Variants in CAMK1D observed in about 807,000 individuals in gnomAD.
CAMK1D encodes the protein calcium/calmodulin dependent protein kinase ID.
Under a neutral mutation model 47.7 loss-of-function variants are expected in CAMK1D, and 9 were observed. The ratio of observed to expected loss-of-function variants is 0.19; its 90% confidence interval spans 0.11 to 0.33. The LOEUF is 0.33. CAMK1D is among the 10% of genes least tolerant of loss of function. The probability of loss-of-function intolerance (pLI) is 1.00; values close to 1 mark genes in which losing one functional copy is unlikely to be tolerated. For synonymous variants in CAMK1D, 184 were observed against 184.9 expected, an observed-to-expected ratio of 0.99 and a Z score of 0.04; for missense variants, 291 against 488.7, an observed-to-expected ratio of 0.60 and a Z score of 3.81.
intron 1 of CAMK1D, among the ~76,000 whole-genome samples, chr10:12,476,144 T>C (rs1381798372): frequency 6.6e-6 from 1 of 151,794 alleles, no homozygotes; most frequent in Admixed American, 6.6e-5. Context: ...ATACAAAAAT[T>C]AGCTGGGCAT....
chr10:12,613,741 G>C (rs1253715631), intron 2 of CAMK1D, among the ~76,000 whole-genome samples: 1 of 152,196 alleles, frequency 6.6e-6, no homozygotes, highest in African/African-American at 2.4e-5. Flanking sequence ...GCCTCCTAAA[G>C]GTCTGGGATT....
At chr10:12,446,297 T>C (rs1461761439) in intron 1 of CAMK1D, among the ~76,000 whole-genome samples, 1 of 152,208 alleles carries the variant, frequency 6.6e-6, no homozygotes, top group African/African-American at 2.4e-5. Flanking sequence ...CTTGATGATA[T>C]GCTAAACAAG....
In CAMK1D at chr10:12,375,870, C is replaced by T. The variant is rs535296538; in HGVS notation, c.92+25960C>T. ...GGTCCGTATGCCGATTTCTCTAAAA[C>T]CAGAGCATGCAGCCGGGCACGGTGG... On this transcript the variant is annotated intron_variant, in intron 1 of 10. Transcript: ENST00000619168. Among the ~76,000 whole-genome samples the T allele has an allele frequency of 1.4e-4, 21 of 152,066 alleles. No homozygotes were observed. In the South Asian group the frequency reaches 4.2e-3, roughly 30 times the overall value.
chr10:12,362,821 T>C (rs931804756), intron 1 of CAMK1D, among the ~76,000 whole-genome samples: 1 of 151,956 alleles, frequency 6.6e-6, no homozygotes, highest in African/African-American at 2.4e-5. Flanking sequence ...ATTTTTTGTA[T>C]TTTTAGTAGA....
chr10:12,772,721 G>A (rs774216033), intron 5 of CAMK1D, among the ~76,000 whole-genome samples: 4 of 152,202 alleles, frequency 2.6e-5, no homozygotes, highest in Admixed American at 6.5e-5. Flanking sequence ...GGGTAATGGT[G>A]TTGTGAGATA....
At chr10:12,734,709 A>G (rs940587994) in intron 3 of CAMK1D, among the ~76,000 whole-genome samples, 1 of 150,878 alleles carries the variant, frequency 6.6e-6, no homozygotes, top group Non-Finnish European at 1.5e-5. Context: ...TTGGGCACCA[A>G]CCTCTCCCTA....
intron 1 of CAMK1D, among the ~76,000 whole-genome samples, chr10:12,375,709 A>G (rs529745739): frequency 6.6e-6 from 1 of 152,068 alleles, no homozygotes; most frequent in Admixed American, 6.5e-5. Flanking sequence ...TTACTCTATT[A>G]TTTCCTCGTT....
intron 2 of CAMK1D, among the ~76,000 whole-genome samples, chr10:12,581,793 T>C (rs1029153049): frequency 7.2e-5 from 11 of 152,208 alleles, no homozygotes; most frequent in Admixed American, 2.6e-4. Flanking sequence ...TTTTAGTCCT[T>C]TGTAAGATGT....
At chr10:12,817,048 G>A (rs1245040666) in intron 8 of CAMK1D, among the ~76,000 whole-genome samples, 1 of 152,166 alleles carries the variant, frequency 6.6e-6, no homozygotes, top group Non-Finnish European at 1.5e-5. Flanking sequence ...GAGAGAGCTT[G>A]TGCAGGGGAA....
At position 12,759,999 on chromosome 10, in the gene CAMK1D, GTTTC is replaced by G. The variant is rs368729951; in HGVS notation, c.300-941_300-938del. ...CTGTCTCATCTTGTTTTTGAAAAAT[GTTTC>G]TTTCTTTTTTTTCAGTAGTGTTAAT... On this transcript the variant is annotated intron_variant, in intron 3 of 10. Transcript: ENST00000619168. Among the ~76,000 whole-genome samples the G allele has an allele frequency of 3.2e-3, 484 of 152,106 alleles. 3 individuals are homozygous for G. Among genetic ancestry groups the G allele is most frequent in the African/African-American group, 0.011 (439 of 41,504 alleles).
intron 1 of CAMK1D, among the ~76,000 whole-genome samples, chr10:12,475,639 C>A (rs968684175): frequency 6.6e-6 from 1 of 152,150 alleles, no homozygotes; most frequent in Non-Finnish European, 1.5e-5. Context: ...TTTAGGTCTT[C>A]TGTGAGTTCT....
At chr10:12,361,357 G>A (rs1310076754) in intron 1 of CAMK1D, among the ~76,000 whole-genome samples, 1 of 146,740 alleles carries the variant, frequency 6.8e-6, no homozygotes, top group Non-Finnish European at 1.5e-5. Context: ...AGCTACTCTC[G>A]TGCCTCAGCC....
intron 1 of CAMK1D, among the ~76,000 whole-genome samples, chr10:12,388,037 C>A (rs1838585963): frequency 1.3e-5 from 2 of 152,050 alleles, no homozygotes; most frequent in South Asian, 4.1e-4. Flanking sequence ...AGGCATCTTG[C>A]CAGCCAGGCA....
chr10:12,433,103 G>T (rs1832535412), intron 1 of CAMK1D, among the ~76,000 whole-genome samples: 2 of 152,228 alleles, frequency 1.3e-5, no homozygotes. Flanking sequence ...GACCCATAAA[G>T]CACACACCAG....
At chr10:12,794,393 A>G (rs1838103603) in intron 6 of CAMK1D, among the ~76,000 whole-genome samples, 1 of 152,168 alleles carries the variant, frequency 6.6e-6, no homozygotes, top group African/African-American at 2.4e-5. Flanking sequence ...ATTAAGCTTG[A>G]GACCCTTGGA....
intron 1 of CAMK1D, among the ~76,000 whole-genome samples, chr10:12,380,968 A>C (rs1294912023): frequency 6.6e-6 from 1 of 152,230 alleles, no homozygotes; most frequent in African/African-American, 2.4e-5. Context: ...TTTTGAGTTA[A>C]AATGAATGGT....
chr10:12,615,140 C>T (rs1035334357), intron 2 of CAMK1D, among the ~76,000 whole-genome samples: 3 of 152,072 alleles, frequency 2.0e-5, no homozygotes, highest in East Asian at 1.9e-4. Context: ...TCTCTGGGAC[C>T]GGAGGATGGG....
intron 2 of CAMK1D, among the ~76,000 whole-genome samples, chr10:12,619,228 C>A (rs1328362626): frequency 6.6e-6 from 1 of 152,224 alleles, no homozygotes; most frequent in East Asian, 1.9e-4. Flanking sequence ...TACTGTTATC[C>A]CTGTTTTTCT....
At chr10:12,798,888 A>C (rs1457406640) in intron 6 of CAMK1D, among the ~76,000 whole-genome samples, 2 of 152,136 alleles carry the variant, frequency 1.3e-5, no homozygotes, top group Non-Finnish European at 2.9e-5. Flanking sequence ...GGTTTTATAT[A>C]TGTATTGGAG....
Sources: gnomAD v4.1 joint callset for allele counts (sites outside exome capture counted in the v4.1 genomes callset) on GRCh38, gnomAD v4.1.1 for gene constraint, MANE v1.5 for transcripts, NCBI Gene and HGNC (gene_info 2026-07-23, HGNC 2026-07-21) for gene names.